SHANK2: variants seen among roughly 807,000 people sequenced by gnomAD.
SHANK2 encodes SH3 and multiple ankyrin repeat domains 2.
In SHANK2, 43 loss-of-function variants were observed where a neutral mutation model predicts 133.7. That is an observed-to-expected ratio of 0.32 (90% CI 0.25 to 0.41). SHANK2 has a LOEUF of 0.41. Among genes scored for constraint, SHANK2 ranks in the 10% least tolerant of loss-of-function variants. The probability of loss-of-function intolerance (pLI) is 1.00; values close to 1 mark genes in which losing one functional copy is unlikely to be tolerated. For synonymous variants in SHANK2, 1,017 were observed against 952.8 expected (o/e 1.07, Z -1.24); for missense variants, 1,994 against 2,235.8 (o/e 0.89, Z 2.18).
At chr11:70,674,848 G>A (rs1428900668) in intron 15 of SHANK2, among the ~76,000 whole-genome samples, 1 of 152,244 alleles carries the variant, frequency 6.6e-6, no homozygotes, top group African/African-American at 2.4e-5. Context: ...TACAAAAACA[G>A]GCAATGGGCC....
chr11:70,907,304 G>A (rs1250008854), intron 10 of SHANK2, among the ~76,000 whole-genome samples: 1 of 135,212 alleles, frequency 7.4e-6, no homozygotes, highest in Non-Finnish European at 1.5e-5. Context: ...GGTGGAGCAG[G>A]TCCAGCCCTC....
At chr11:71,252,946 C>T (rs1948212997), upstream of SHANK2, among the ~76,000 whole-genome samples, 1 of 152,238 alleles carries the variant, frequency 6.6e-6, no homozygotes, top group South Asian at 2.1e-4. This position sits in a 1 kb window ranked among gnomAD's most constrained non-coding sequence, Gnocchi z 6.3. Flanking sequence ...GCAGCTGGCT[C>T]CCGCCACAGA....
chr11:71,116,481 G>A (rs1279441612), intron 4 of SHANK2, among the ~76,000 whole-genome samples: 10 of 152,240 alleles, frequency 6.6e-5, no homozygotes, highest in East Asian at 1.9e-4. Context: ...GGGCTGCCCC[G>A]TCTTACGGAT....
At chr11:71,233,046 T>A (rs370765430) in intron 1 of SHANK2, among the ~76,000 whole-genome samples, 1 of 152,002 alleles carries the variant, frequency 6.6e-6, no homozygotes, top group African/African-American at 2.4e-5. Context: ...CCACAGTGAC[T>A]CACACCTGTA....
At chr11:70,737,090 G>A (rs1397231865) in intron 14 of SHANK2, among the ~76,000 whole-genome samples, 2 of 152,078 alleles carry the variant, frequency 1.3e-5, no homozygotes, top group Non-Finnish European at 2.9e-5. Context: ...CCAAAGTCCC[G>A]AGCCGCGGGC....
At chr11:70,670,314 G>A (rs1211596720) in intron 15 of SHANK2, among the ~76,000 whole-genome samples, 2 of 152,234 alleles carry the variant, frequency 1.3e-5, no homozygotes, top group East Asian at 1.9e-4. Flanking sequence ...GGCAGTGGAT[G>A]TCCTAGAAAT....
chr11:70,744,439 C>A (rs1365766532), intron 14 of SHANK2, among the ~76,000 whole-genome samples: 2 of 152,216 alleles, frequency 1.3e-5, no homozygotes, highest in Admixed American at 1.3e-4. Context: ...TGGGGCCTGG[C>A]AGGCTATGCC....
intron 17 of SHANK2, among the ~76,000 whole-genome samples, chr11:70,614,726 T>G: frequency 6.6e-6 from 1 of 152,216 alleles, no homozygotes. Context: ...TTGGGTCTGT[T>G]GCTGTGAGAG....
chr11:70,583,943 T>C (rs1412097382), intron 17 of SHANK2, among the ~76,000 whole-genome samples: 1 of 152,188 alleles, frequency 6.6e-6, no homozygotes, highest in Admixed American at 6.5e-5. Context: ...TGCAGCTTGC[T>C]CAGCCCAGCT....
intron 17 of SHANK2, among the ~76,000 whole-genome samples, chr11:70,633,195 T>C (rs1279308039): frequency 1.3e-5 from 2 of 148,546 alleles, no homozygotes; most frequent in Non-Finnish European, 3.0e-5. Flanking sequence ...AACATAAATG[T>C]TATATTTTTA....
At chr11:70,747,297 TCCAGAACTA>T (rs1946661126) in intron 14 of SHANK2, among the ~76,000 whole-genome samples, 1 of 151,974 alleles carries the variant, frequency 6.6e-6, no homozygotes, top group Non-Finnish European at 1.5e-5. Flanking sequence ...TGCCCTGCTC[TCCAGAACTA>T]GCCCTGGGCA....
chr11:70,563,063 GT>G (rs1488178206), intron 17 of SHANK2, among the ~76,000 whole-genome samples: 4 of 152,058 alleles, frequency 2.6e-5, no homozygotes, highest in Non-Finnish European at 4.4e-5. Flanking sequence ...GTAGAGAGGG[GT>G]TTCACCATGT....
rs1946474751 is a variant in SHANK2 at position 70,739,380 on chromosome 11, T to C, written c.1778-40617A>G. 6.6e-6 allele frequency among the ~76,000 whole-genome samples: 1 copy of C among 152,156 alleles called. No homozygotes were observed. The highest frequency in any genetic ancestry group is 1.5e-5 in the Non-Finnish European group (1 of 68,034). The stretch of plus-strand genomic sequence containing the variant: ...AGGAGGTGGACAATGAAGACAATCG[T>C]GTGGAGCAGCTGCTGCGGTGAGGCC... On this transcript the variant is annotated intron_variant, in intron 14 of 25. Coordinates refer to ENST00000601538, the MANE Select transcript of SHANK2 (RefSeq NM_012309.5). This position sits in a 1 kb window ranked among gnomAD's most constrained non-coding sequence, Gnocchi z 4.3.
chr11:70,610,699 C>T (rs1019314072), intron 17 of SHANK2, among the ~76,000 whole-genome samples: 1 of 152,204 alleles, frequency 6.6e-6, no homozygotes, highest in African/African-American at 2.4e-5. Context: ...GTGGGGCAGC[C>T]GGCACAATGC....
At chr11:70,763,776 G>C (rs1555040731) in intron 14 of SHANK2, among the ~76,000 whole-genome samples, 2 of 152,164 alleles carry the variant, frequency 1.3e-5, no homozygotes, top group Non-Finnish European at 2.9e-5. Flanking sequence ...ACCACACCCA[G>C]GGAGACGGAG....
intron 3 of SHANK2, among the ~76,000 whole-genome samples, chr11:71,134,043 G>T (rs1287485897): frequency 2.6e-5 from 4 of 151,162 alleles, no homozygotes; most frequent in African/African-American, 4.9e-5. Flanking sequence ...CTACATTCGT[G>T]GATAAAAGAG....
intron 2 of SHANK2, among the ~76,000 whole-genome samples, chr11:71,178,430 C>T (rs868961285): frequency 6.6e-6 from 1 of 151,978 alleles, no homozygotes; most frequent in East Asian, 1.9e-4. Flanking sequence ...CAGAAAGAGA[C>T]GGGAGAGGAA....
chr11:71,070,388 C>G (rs1266161769), intron 9 of SHANK2, among the ~76,000 whole-genome samples: 1 of 152,244 alleles, frequency 6.6e-6, no homozygotes, highest in African/African-American at 2.4e-5. Flanking sequence ...ACCCTGCCCA[C>G]TGGTTCTTGG....
chr11:70,691,485 G>A (rs1591754500), intron 15 of SHANK2, among the ~76,000 whole-genome samples: 1 of 152,276 alleles, frequency 6.6e-6, no homozygotes, highest in South Asian at 2.1e-4. Context: ...CTGGGAGAGC[G>A]CAAAGGAAGA....
Sources: gnomAD v4.1 joint callset for allele counts (sites outside exome capture counted in the v4.1 genomes callset) on GRCh38, gnomAD v4.1.1 for gene constraint, Gnocchi (gnomAD v3.1) non-coding constraint, MANE v1.5 for transcripts, NCBI Gene and HGNC (gene_info 2026-07-23, HGNC 2026-07-21) for gene names.